The following PRR19 variants were observed in gnomAD, a reference collection of about 807,000 sequenced individuals.
PRR19 encodes the protein proline-rich protein 19.
PRR19 carries 9 observed loss-of-function variants against 19.2 expected under a neutral mutation model. The observed-to-expected ratio is 0.47, with a 90% CI of 0.28 to 0.82. The LOEUF is 0.82. Ranked by LOEUF, PRR19 falls within the 40% of genes least tolerant of loss-of-function variation. The probability of loss-of-function intolerance (pLI) is 0.11; values close to 1 mark genes in which losing one functional copy is unlikely to be tolerated. For missense variants in PRR19, 457 were observed against 466.0 expected (o/e 0.98, Z 0.18); for synonymous variants, 190 against 191.0 (o/e 0.99, Z 0.04).
At chr19:42,303,106 T>TGTGTGTGTGTG (rs57328329) in intron 1 of PRR19, among the ~76,000 whole-genome samples, 6 of 147,444 alleles carry the variant, frequency 4.1e-5, no homozygotes, top group South Asian at 2.1e-4. Flanking sequence ...TGTGTGTGTG[T>TGTGTGTGTGTG]TGAAATCTAA....
In PRR19 at chr19:42,304,535, G is replaced by A. The variant is rs575021597; in HGVS notation, c.-7+2032G>A. On this transcript the variant is annotated intron_variant, in intron 1 of 2. Transcript: ENST00000341747. ...TGGGAGGCCGAGGTGGGCAGATCAC[G>A]AGGTCAGGATCGAGACCATCCTGGC... Among the ~76,000 whole-genome samples, 9 of 148,944 alleles carry A rather than the reference G, an allele frequency of 6.0e-5. No individual in the cohort carries two copies. The East Asian group carries it at 1.6e-3, about 27-fold the overall frequency.
At chr19:42,308,808 C>CA (rs1360615033) in intron 1 of PRR19, 1 of 152,156 alleles carries the variant, frequency 6.6e-6, no homozygotes, top group Non-Finnish European at 1.5e-5. Context: ...CTCAGCCTCC[C>CA]AAAGTGCTAG....
chr19:42,309,452 G>C (rs974478260), intron 1 of PRR19, 127 bp from the exon 2 acceptor site: 22 of 685,340 alleles, frequency 3.2e-5, no homozygotes, highest in Non-Finnish European at 5.2e-5. Context: ...TAAGTGATCG[G>C]CCTGCCTTGG....
intron 1 of PRR19, 81 bp from the exon 2 acceptor site, chr19:42,309,498 C>G: frequency 1.8e-6 from 2 of 1,114,410 alleles, no homozygotes; most frequent in South Asian, 1.6e-5. Flanking sequence ...CATAAGCCAC[C>G]GCGCCCAGCC....
rs2038788594 is a variant in PRR19 at position 42,310,803 on chromosome 19, C to T, written c.*63C>T. On this transcript the variant is annotated 3_prime_UTR_variant, in exon 3 of 3. Transcript: ENST00000341747. The stretch of plus-strand genomic sequence containing the variant: ...TACTCCCAGTGACCTCAATAAAGTA[C>T]TTTTCATGGTCCTCTTGATTTTCAG... 1 of 1,125,080 alleles carries T rather than the reference C, an allele frequency of 8.9e-7. No homozygotes were observed. Among genetic ancestry groups the T allele is most frequent in the South Asian group, 1.7e-5 (1 of 58,936 alleles). The allele number at this position is 1,125,080 out of a possible 1,614,324, so 69.7% of individuals were successfully genotyped here. A position where few individuals can be genotyped will look rare whatever the true frequency, so the allele number is the denominator to read the frequency against.
At position 42,310,100 on chromosome 19, in the gene PRR19, T is replaced by A; in HGVS notation, c.516T>A (p.Asp172Glu). 2 of 1,614,078 alleles carry A rather than the reference T, an allele frequency of 1.2e-6. No individual in the cohort carries two copies. Among genetic ancestry groups the A allele is most frequent in the Non-Finnish European group, 1.7e-6 (2 of 1,179,998 alleles). The change falls in exon 2 of 3, where the codon GAT (aspartate) becomes GAA (glutamate). Residue 172 changes from aspartate to glutamate, a missense_variant. Physicochemically the swap from Asp to Glu is conservative, Grantham distance 45. Transcript: ENST00000341747. ...PRRNLIQDAR[D>E]AIVHTLQACH... ...GGAACCTGATTCAGGATGCCAGGGA[T>A]GCCATCGTGCACACCTTGCAGGCCT...
chr19:42,308,176 T>TG (rs1174085814), intron 1 of PRR19, among the ~76,000 whole-genome samples: 1 of 152,088 alleles, frequency 6.6e-6, no homozygotes, highest in Non-Finnish European at 1.5e-5. Context: ...TGTGATTCCT[T>TG]ATCTGACCAA....
In PRR19 at chr19:42,310,112, C is replaced by T. The variant is rs201988349; in HGVS notation, c.528C>T (p.His176=). Residue 176 remains histidine (H), a synonymous_variant, in exon 2 of 3, where the codon CAC becomes CAT. Transcript: ENST00000341747. ...AGGATGCCAGGGATGCCATCGTGCA[C>T]ACCTTGCAGGCCTGTCATGGTTGTG... The part of the protein sequence containing the change: ...LIQDARDAIV[H]TLQACHGCVP... 20 of 1,614,094 alleles carry T rather than the reference C, an allele frequency of 1.2e-5. No individual in the cohort carries two copies. The highest frequency in any genetic ancestry group is 1.2e-4 in the South Asian group (11 of 91,076).
intron 1 of PRR19, among the ~76,000 whole-genome samples, chr19:42,303,114 TAA>T (rs2038667218): frequency 6.9e-6 from 1 of 145,852 alleles, no homozygotes; most frequent in Non-Finnish European, 1.5e-5. Flanking sequence ...TGTTGAAATC[TAA>T]AGTACATATC....
chr19:42,309,791 G>A lies in PRR19; in HGVS notation c.207G>A (p.Leu69=), dbSNP rs774378938. 61 of 1,613,844 alleles carry A rather than the reference G, an allele frequency of 3.8e-5. No homozygotes were observed. Among genetic ancestry groups the A allele is most frequent in the Non-Finnish European group, 5.0e-5 (59 of 1,179,834 alleles). The part of the protein sequence containing the change: ...SKLVVITQGR[L]SREHRGLFNH... ...TCGTGGTCATAACCCAGGGCCGGCT[G>A]AGCCGGGAGCACCGGGGTCTCTTCA... Residue 69 remains leucine (L), a synonymous_variant, in exon 2 of 3, where the codon CTG becomes CTA. Coordinates refer to ENST00000341747, the MANE Select transcript of PRR19 (RefSeq NM_199285.3).
Position 42,310,552 on chromosome 19 carries a change from C to A in PRR19, c.883C>A (p.Pro295Thr). 6.2e-7 allele frequency: 1 copy of A among 1,614,174 alleles called. No homozygotes were observed. Residue 295 changes from proline to threonine, a missense_variant, in exon 3 of 3, where the codon CCA (proline) becomes ACA (threonine). Pro to Thr is a conservative substitution (Grantham distance 38). Coordinates refer to ENST00000341747, the MANE Select transcript of PRR19 (RefSeq NM_199285.3). ...LLKSIWLVATPPPPRPWGVGL... is the reference protein window; with the variant it reads ...LLKSIWLVATTPPPRPWGVGL... Reference sequence around the variant, plus strand: ...AAAAAGCATCTGGCTGGTAGCCACGCCACCCCCTCCTCGGCCCTGGGGGGT... The same window carrying A: ...AAAAAGCATCTGGCTGGTAGCCACGACACCCCCTCCTCGGCCCTGGGGGGT...
chr19:42,307,855 T>C (rs1020784985), intron 1 of PRR19, among the ~76,000 whole-genome samples: 8 of 150,382 alleles, frequency 5.3e-5, no homozygotes, highest in African/African-American at 2.0e-4. Flanking sequence ...CCTCCTGGGT[T>C]CACGCCATTC....
Position 42,309,768 on chromosome 19 carries a change from G to C in PRR19, c.184G>C (p.Val62Leu), listed in dbSNP as rs147433253. ...TGTGGTCCCTACTGCCTCCAAGCTCGTGGTCATAACCCAGGGCCGGCTGAG... is the reference window on the plus strand; with the variant it reads ...TGTGGTCCCTACTGCCTCCAAGCTCCTGGTCATAACCCAGGGCCGGCTGAG... ...PPVVPTASKL[V>L]VITQGRLSRE... The change falls in exon 2 of 3, where the codon GTG becomes CTG. Residue 62 changes from valine (V) to leucine (L), a missense_variant. Coordinates refer to ENST00000341747, the MANE Select transcript of PRR19 (RefSeq NM_199285.3). 3 of 1,611,636 alleles carry C rather than the reference G, an allele frequency of 1.9e-6. No individual in the cohort carries two copies. Among genetic ancestry groups the C allele is most frequent in the Non-Finnish European group, 2.5e-6 (3 of 1,178,156 alleles).
rs143596045 is a variant in PRR19 at position 42,310,413 on chromosome 19, C to T, written c.744C>T (p.Pro248=). 6.2e-7 allele frequency: 1 copy of T among 1,614,200 alleles called. No homozygotes were observed. Among genetic ancestry groups the T allele is most frequent in the East Asian group, 2.2e-5 (1 of 44,886 alleles). ...TFPMPYTSSM[P]TAHRGSLAPP... ...CCATGCCCTACACCTCCAGCATGCCCACTGCGCACAGGGGGAGTCTGGCAC... is the reference window on the plus strand; with the variant it reads ...CCATGCCCTACACCTCCAGCATGCCTACTGCGCACAGGGGGAGTCTGGCAC... Residue 248 remains proline, a synonymous_variant, in exon 3 of 3, where the codon CCC becomes CCT. Transcript: ENST00000341747.
chr19:42,306,373 C>T (rs1377123256), intron 1 of PRR19, among the ~76,000 whole-genome samples: 1 of 152,090 alleles, frequency 6.6e-6, no homozygotes, highest in Non-Finnish European at 1.5e-5. Context: ...CGGGGTTTCA[C>T]CGTGTTAGCC....
At chr19:42,306,901 T>A (rs2147395979) in intron 1 of PRR19, 1 of 152,226 alleles carries the variant, frequency 6.6e-6, no homozygotes, top group East Asian at 1.9e-4. Context: ...TTCCGTCCTC[T>A]CAGAGCCACG....
chr19:42,303,062 T>TGG (rs534982041), intron 1 of PRR19, among the ~76,000 whole-genome samples: 271 of 115,212 alleles, frequency 2.4e-3, no homozygotes, highest in East Asian at 6.0e-3. Flanking sequence ...CAAAACACCG[T>TGG]GGGTGTGTGT....
At chr19:42,308,390 C>CTTTTT (rs774768445) in intron 1 of PRR19, among the ~76,000 whole-genome samples, 8 of 119,312 alleles carry the variant, frequency 6.7e-5, no homozygotes, top group Non-Finnish European at 1.0e-4. Context: ...CCGAATCCAG[C>CTTTTT]TTTTTTTTTT....
intron 1 of PRR19, among the ~76,000 whole-genome samples, chr19:42,303,821 C>A (rs758553716): frequency 6.6e-6 from 1 of 151,992 alleles, no homozygotes; most frequent in Non-Finnish European, 1.5e-5. Flanking sequence ...GAGACAGGGA[C>A]CTCTGGGGAG....
Sources: allele counts gnomAD v4.1 joint callset (sites outside exome capture counted in the v4.1 genomes callset), GRCh38; gene constraint gnomAD v4.1.1; transcripts MANE v1.5; gene names NCBI Gene and HGNC (gene_info 2026-07-23, HGNC 2026-07-21).